The following FAAH2 variants were observed in gnomAD, a reference collection of about 807,000 sequenced individuals.
FAAH2 encodes the protein fatty acid amide hydrolase 2.
In FAAH2, 60 loss-of-function variants were observed where a neutral mutation model predicts 36.9. The ratio of observed to expected loss-of-function variants is 1.63; its 90% CI spans 1.32 to 2.02. The LOEUF (loss-of-function observed/expected upper bound fraction) is 2.02. Among genes scored for constraint, FAAH2 ranks in the 30% most tolerant of loss-of-function variants. The probability of loss-of-function intolerance (pLI) is 0.00; values close to 1 mark genes in which losing one functional copy is unlikely to be tolerated. For synonymous variants in FAAH2, 214 were observed against 143.8 expected, an observed-to-expected ratio of 1.49 and a Z score of -3.49; for missense variants, 689 against 397.5, an observed-to-expected ratio of 1.73 and a Z score of -6.23.
intron 5 of FAAH2, among the ~76,000 whole-genome samples, chrX:57,346,457 G>A (rs912393312): frequency 1.8e-5 from 2 of 111,860 alleles, no homozygotes; most frequent in Admixed American, 9.5e-5. Context: ...TTTCTTGTTT[G>A]CTATTTGCAT....
At chrX:57,460,239 A>T (rs2056934346) in intron 10 of FAAH2, among the ~76,000 whole-genome samples, 1 of 111,849 alleles carries the variant, frequency 8.9e-6, no homozygotes, top group African/African-American at 3.2e-5. Context: ...ACACTTCAGG[A>T]TATTACCCAG....
chrX:57,416,856 G>C (rs2055859173), intron 7 of FAAH2, among the ~76,000 whole-genome samples: 1 of 111,795 alleles, frequency 8.9e-6, no homozygotes, highest in African/African-American at 3.3e-5. Context: ...GTCACTTTCT[G>C]GTACACCAAT....
intron 2 of FAAH2, among the ~76,000 whole-genome samples, chrX:57,300,851 C>T (rs2052336931): frequency 1.8e-5 from 2 of 112,055 alleles, no homozygotes; most frequent in African/African-American, 6.5e-5. Context: ...CCAAAAAACA[C>T]ATGAAAAAAT....
chrX:57,480,597 G>A (rs185045619), intron 10 of FAAH2, among the ~76,000 whole-genome samples: 2 of 112,149 alleles, frequency 1.8e-5, no homozygotes, highest in East Asian at 5.6e-4. Context: ...GGTTTCTGCA[G>A]ATTAATCCAT....
At chrX:57,483,473 C>G in intron 10 of FAAH2, among the ~76,000 whole-genome samples, 1 of 110,715 alleles carries the variant, frequency 9.0e-6, no homozygotes, top group East Asian at 2.8e-4. Context: ...TGTGGAGCAT[C>G]CTGACAATCC....
At chrX:57,439,698 T>A (rs1026666092) in intron 8 of FAAH2, among the ~76,000 whole-genome samples, 2 of 111,918 alleles carry the variant, frequency 1.8e-5, no homozygotes, top group Non-Finnish European at 3.8e-5. Flanking sequence ...CTGAATGGTA[T>A]TGCCTAGGTT....
the FAAH2 span, among the ~76,000 whole-genome samples, chrX:57,236,317 T>G: frequency 2.7e-5 from 3 of 112,358 alleles, no homozygotes; most frequent in African/African-American, 6.5e-5. Flanking sequence ...AGTGCAGATA[T>G]GTTTTCAACA....
intron 5 of FAAH2, among the ~76,000 whole-genome samples, chrX:57,341,594 C>T (rs957380371): frequency 1.7e-4 from 19 of 109,146 alleles, no homozygotes; most frequent in African/African-American, 6.3e-4. Context: ...TAACTAATGT[C>T]TTTCAATAGT....
the FAAH2 span, among the ~76,000 whole-genome samples, chrX:57,166,065 G>A: frequency 9.1e-6 from 1 of 109,916 alleles, no homozygotes; most frequent in Admixed American, 9.7e-5. Context: ...CACACCAACA[G>A]GCATCAGCAA....
chrX:57,274,280 C>T, the FAAH2 span, among the ~76,000 whole-genome samples: 6 of 111,648 alleles, frequency 5.4e-5, no homozygotes, highest in African/African-American at 2.0e-4. Flanking sequence ...AGCCTACTAA[C>T]CAAAAAAGTC....
At chrX:57,433,218 C>T (rs890102108) in intron 8 of FAAH2, among the ~76,000 whole-genome samples, 1 of 111,252 alleles carries the variant, frequency 9.0e-6, no homozygotes, top group East Asian at 2.8e-4. Flanking sequence ...AACATACATG[C>T]TGACTGTCAA....
intron 5 of FAAH2, among the ~76,000 whole-genome samples, chrX:57,351,610 C>G (rs369015332): frequency 9.1e-6 from 1 of 109,487 alleles, no homozygotes. Context: ...AGGAAGAAGA[C>G]CCAAATAAAC....
chrX:57,316,597 A>G (rs562506437), intron 3 of FAAH2, among the ~76,000 whole-genome samples: 2 of 111,531 alleles, frequency 1.8e-5, no homozygotes, highest in African/African-American at 6.5e-5. Context: ...GATCTTTGTC[A>G]AGGCCAACAA....
In FAAH2 at chrX:57,287,399, A is replaced by G. The variant is rs200952481; in HGVS notation, c.192+382A>G. Among the ~76,000 whole-genome samples, 21 of 111,086 alleles carry G rather than the reference A, an allele frequency of 1.9e-4. No individual in the cohort carries two copies. The East Asian group carries it at 5.9e-3, about 31-fold the overall frequency. ...TATTCTTCCGTCTCTCACAGGCCCC[A>G]GATCAACCTGCTGCTTACCATTCAA... On this transcript the variant is annotated intron_variant, in intron 1 of 10. Coordinates refer to ENST00000374900, the MANE Select transcript of FAAH2 (RefSeq NM_174912.4).
chrX:57,124,356 G>T, the FAAH2 span, among the ~76,000 whole-genome samples: 4 of 110,947 alleles, frequency 3.6e-5, no homozygotes, highest in Non-Finnish European at 7.5e-5. Flanking sequence ...CTGTTCCATT[G>T]GTCTATATCT....
the FAAH2 span, among the ~76,000 whole-genome samples, chrX:57,171,532 A>G: frequency 2.0e-4 from 22 of 110,987 alleles, no homozygotes; most frequent in African/African-American, 6.2e-4. Context: ...ATTTTTTCAT[A>G]TGTTTCTTGG....
rs1311683353 is a variant in FAAH2, at chrX:57,488,757, G to T, written c.1424G>T (p.Gly475Val). ...CACTTATTTTGTTTGTTTTCTTCAGGTGTCTTCAGTGCCCTGGGTTTGCCT... is the reference window on the plus strand; with the variant it reads ...CACTTATTTTGTTTGTTTTCTTCAGTTGTCTTCAGTGCCCTGGGTTTGCCT... Reference protein sequence around the residue: ...LTRPFNFAYTGVFSALGLPVT... With the variant: ...LTRPFNFAYTVVFSALGLPVT... Residue 475 changes from glycine (G) to valine (V), a missense_variant and splice_region_variant, in exon 11 of 11, where the codon GGT (glycine) becomes GTT (valine). By Grantham distance (109) the Gly-to-Val change is moderately radical (BLOSUM62 -3). Coordinates refer to ENST00000374900, the MANE Select transcript of FAAH2 (RefSeq NM_174912.4). 2 of 1,207,943 alleles carry T rather than the reference G, an allele frequency of 1.7e-6. No homozygotes were observed. Among genetic ancestry groups the T allele is most frequent in the Admixed American group, 2.2e-5 (1 of 45,414 alleles).
the FAAH2 span, among the ~76,000 whole-genome samples, chrX:57,187,417 T>G: frequency 5.4e-5 from 6 of 111,423 alleles, no homozygotes; most frequent in African/African-American, 2.0e-4. Context: ...ATTGATTTTG[T>G]ATCCTGAGAC....
chrX:57,137,427 C>G, the FAAH2 span: 1 of 694,087 alleles, frequency 1.4e-6, no homozygotes, highest in African/African-American at 2.3e-5. Flanking sequence ...GCGCTTCGCT[C>G]GCTGGCCGTC....
Sources: gnomAD v4.1 joint callset for allele counts (sites outside exome capture counted in the v4.1 genomes callset) on GRCh38, gnomAD v4.1.1 for gene constraint, MANE v1.5 for transcripts, NCBI Gene and HGNC (gene_info 2026-07-23, HGNC 2026-07-21) for gene names.